Variants in ANXA8 observed in about 807,000 individuals in gnomAD.
The protein encoded by ANXA8 is annexin A8.
ANXA8 carries 9 observed loss-of-function variants against 26.8 expected under a neutral mutation model. The ratio of observed to expected loss-of-function variants is 0.34; its 90% confidence interval spans 0.20 to 0.59. The LOEUF is 0.59. Ranked by LOEUF, ANXA8 falls within the 20% of genes least tolerant of loss-of-function variation. The pLI, the probability that ANXA8 is intolerant of heterozygous loss-of-function variation, is 0.84. For synonymous variants in ANXA8, 39 were observed against 94.8 expected, an observed-to-expected ratio of 0.41 and a Z score of 3.42; for missense variants, 83 against 238.5, an observed-to-expected ratio of 0.35 and a Z score of 4.29.
the ANXA8 span, among the ~76,000 whole-genome samples, chr10:47,701,505 T>C: frequency 1.3e-5 from 2 of 152,024 alleles, no homozygotes; most frequent in African/African-American, 2.4e-5. Context: ...TGGAACACTA[T>C]GTACTATGCA....
the ANXA8 span, among the ~76,000 whole-genome samples, chr10:47,975,898 A>C: frequency 2.1e-5 from 3 of 142,790 alleles, no homozygotes; most frequent in Non-Finnish European, 4.7e-5. Context: ...CTGGTTAGGA[A>C]ACCTGAACTA....
chr10:47,558,130 A>C, the ANXA8 span, among the ~76,000 whole-genome samples: 2 of 151,968 alleles, frequency 1.3e-5, no homozygotes, highest in African/African-American at 4.8e-5. Context: ...TTAACATAAA[A>C]TAACTGTTTA....
At chr10:47,674,397 G>GT in the ANXA8 span, among the ~76,000 whole-genome samples, 16 of 151,458 alleles carry the variant, frequency 1.1e-4, no homozygotes, top group Admixed American at 3.3e-4. Context: ...CTCCCAAGTA[G>GT]TTGGGACTAC....
chr10:47,985,126 T>G, the ANXA8 span, among the ~76,000 whole-genome samples: 1 of 144,170 alleles, frequency 6.9e-6, no homozygotes, highest in South Asian at 2.2e-4. Context: ...AACTCAACAG[T>G]AAAAAAAAAA....
At chr10:47,894,974 CCACA>C in the ANXA8 span, among the ~76,000 whole-genome samples, 1 of 152,042 alleles carries the variant, frequency 6.6e-6, no homozygotes, top group Non-Finnish European at 1.5e-5. Flanking sequence ...ACCACACATA[CCACA>C]CACACTCTAC....
chr10:47,954,403 G>T, the ANXA8 span, among the ~76,000 whole-genome samples: 1 of 151,128 alleles, frequency 6.6e-6, no homozygotes, highest in Non-Finnish European at 1.5e-5. Context: ...GGAAAAGGTT[G>T]TGGGTGTGGA....
chr10:47,968,845 G>T, the ANXA8 span, among the ~76,000 whole-genome samples: 1 of 146,134 alleles, frequency 6.8e-6, no homozygotes, highest in Admixed American at 7.0e-5. Flanking sequence ...GGAATTATTG[G>T]TTATAAAAGT....
At chr10:47,660,346 T>A in the ANXA8 span, among the ~76,000 whole-genome samples, 1 of 150,828 alleles carries the variant, frequency 6.6e-6, no homozygotes, top group Non-Finnish European at 1.5e-5. Context: ...GTGACTGAAT[T>A]TGGCCTTGCC....
chr10:47,709,433 G>T, the ANXA8 span, among the ~76,000 whole-genome samples: 1 of 150,690 alleles, frequency 6.6e-6, no homozygotes, highest in Non-Finnish European at 1.5e-5. Flanking sequence ...AATTTAATCA[G>T]CAAAACTCAT....
chr10:47,681,465 G>GGC, the ANXA8 span, among the ~76,000 whole-genome samples: 3 of 150,140 alleles, frequency 2.0e-5, no homozygotes, highest in Non-Finnish European at 4.4e-5. Context: ...GCATACCCCT[G>GGC]GCACCTACCT....
the ANXA8 span, among the ~76,000 whole-genome samples, chr10:47,649,279 T>G: frequency 6.6e-6 from 1 of 151,642 alleles, no homozygotes; most frequent in South Asian, 2.1e-4. Flanking sequence ...CCCTATTTAT[T>G]TATCCGAATT....
the ANXA8 span, among the ~76,000 whole-genome samples, chr10:47,733,239 CTTTCTTTCTT>C: frequency 2.0e-4 from 12 of 60,050 alleles, no homozygotes; most frequent in Admixed American, 1.1e-3. Context: ...TTCTCTCTTT[CTTTCTTTCTT>C]TCTTTCTTTC....
the ANXA8 span, chr10:47,502,159 T>G: frequency 6.4e-7 from 1 of 1,563,918 alleles, no homozygotes; most frequent in Admixed American, 1.8e-5. Context: ...AGGTCAGCGC[T>G]GTGTTCCCGT....
chr10:47,646,791 A>G, the ANXA8 span, among the ~76,000 whole-genome samples: 2 of 152,018 alleles, frequency 1.3e-5, no homozygotes, highest in Admixed American at 6.6e-5. Context: ...TCATAACTAT[A>G]TTTTTTTCTC....
the ANXA8 span, among the ~76,000 whole-genome samples, chr10:47,918,360 AG>A: frequency 2.0e-3 from 30 of 15,344 alleles, 2 homozygotes; most frequent in Non-Finnish European, 1.1e-3. Flanking sequence ...AGGGAGGGAG[AG>A]AGAGAGAGAG....
At chr10:47,743,253 T>TATATATACATATATATATATATACAC in the ANXA8 span, among the ~76,000 whole-genome samples, 1 of 120,000 alleles carries the variant, frequency 8.3e-6, no homozygotes, top group African/African-American at 3.1e-5. Flanking sequence ...TTCATATATA[T>TATATATACATATATATATATATACAC]ATATATATAT....
the ANXA8 span, among the ~76,000 whole-genome samples, chr10:47,698,954 C>T: frequency 3.3e-5 from 5 of 151,564 alleles, no homozygotes; most frequent in Admixed American, 1.3e-4. Context: ...GAAAAGCACT[C>T]GAGGCATTGT....
the ANXA8 span, among the ~76,000 whole-genome samples, chr10:47,714,351 T>C: frequency 2.0e-5 from 3 of 148,528 alleles, no homozygotes; most frequent in African/African-American, 7.4e-5. Context: ...AAAAAAAATC[T>C]TTAGTGAAAG....
chr10:47,768,622 C>T, the ANXA8 span, among the ~76,000 whole-genome samples: 14 of 149,114 alleles, frequency 9.4e-5, no homozygotes, highest in East Asian at 2.0e-4. Context: ...GGGGTGTGCT[C>T]GGGGAGGGGG....
Sources: gnomAD v4.1 joint callset for allele counts (sites outside exome capture counted in the v4.1 genomes callset) on GRCh38, gnomAD v4.1.1 for gene constraint, MANE v1.5 for transcripts, NCBI Gene and HGNC (gene_info 2026-07-23, HGNC 2026-07-21) for gene names.